DNAJB11: variants seen among roughly 807,000 people sequenced by gnomAD.
DNAJB11 encodes DnaJ heat shock protein family (Hsp40) member B11, also known as dnaJ homolog subfamily B member 11.
DNAJB11 carries 30 observed loss-of-function variants against 47.2 expected under a neutral mutation model. The observed-to-expected ratio is 0.64, with a 90% CI of 0.48 to 0.86. DNAJB11 has a LOEUF of 0.86. Among genes scored for constraint, DNAJB11 ranks in the 40% least tolerant of loss-of-function variants. The pLI, the probability that DNAJB11 is intolerant of heterozygous loss-of-function variation, is 0.00. For synonymous variants in DNAJB11, 151 were observed against 159.9 expected (o/e 0.94, Z 0.42); for missense variants, 357 against 440.2 (o/e 0.81, Z 1.69).
At chr3:186,571,291 C>T (rs1715042949) in intron 1 of DNAJB11, among the ~76,000 whole-genome samples, 1 of 152,088 alleles carries the variant, frequency 6.6e-6, no homozygotes, top group South Asian at 2.1e-4. Context: ...AGCAGTGTCA[C>T]GTAGAGCTGG....
At position 186,570,737 on chromosome 3, in the gene DNAJB11, C is replaced by T. The variant is rs192676872; in HGVS notation, c.-161C>T. ...GACTCGGGACTCCCGGGAAGTGGAC[C>T]GGCAGAAGAGGGGGCTAGCTAGCTG... On this transcript the variant is annotated 5_prime_UTR_variant, in exon 1 of 10. Coordinates refer to ENST00000265028, the MANE Select transcript of DNAJB11 (RefSeq NM_016306.6). The T allele has an allele frequency of 8.6e-5, 57 of 663,820 alleles. No homozygotes were observed. In the Admixed American group the frequency reaches 1.1e-3, roughly 13 times the overall value. The allele number at this position is 663,820 out of a possible 1,614,324, so 41.1% of individuals were successfully genotyped here.
chr3:186,575,837 C>T lies in DNAJB11; in HGVS notation c.226-3C>T, dbSNP rs139260755. 1.2e-3 allele frequency: 2,009 copies of T among 1,611,382 alleles called. 18 individuals carry two copies. The African/African-American group carries it at 0.02, about 16-fold the overall frequency. ...CTTTTCCTCCACTGGCTTTTATCCC[C>T]AGGTTCTGTCAGATAGTGAGAAACG... On this transcript the variant is annotated splice_polypyrimidine_tract_variant and splice_region_variant and intron_variant, in intron 2 of 9. Coordinates refer to ENST00000265028, the MANE Select transcript of DNAJB11 (RefSeq NM_016306.6).
At chr3:186,575,747 C>T in intron 2 of DNAJB11, 93 bp from the exon 3 acceptor site, 1 of 924,724 alleles carries the variant, frequency 1.1e-6, no homozygotes, top group Non-Finnish European at 1.7e-6. Flanking sequence ...ATTTTAGACC[C>T]ACTGTCAAAG....
Position 186,584,411 on chromosome 3 carries a change from A to C in DNAJB11, c.853-19A>C. Reference sequence around the variant, plus strand: ...AGATGTACCGCTCCTGCTGCAGTACATTCCCTTTGGTTTTCTAGGTACATA... The same window carrying C: ...AGATGTACCGCTCCTGCTGCAGTACCTTCCCTTTGGTTTTCTAGGTACATA... On this transcript the variant is annotated intron_variant, in intron 8 of 9. Coordinates refer to ENST00000265028, the MANE Select transcript of DNAJB11 (RefSeq NM_016306.6). The C allele has an allele frequency of 2.0e-6, 3 of 1,534,248 alleles. No homozygotes were observed. The highest frequency in any genetic ancestry group is 2.3e-5 in the East Asian group (1 of 42,750).
In DNAJB11 at chr3:186,581,422, A is replaced by G. The variant is rs1715479886; in HGVS notation, c.508A>G (p.Asn170Asp). 1 of 1,613,902 alleles carries G rather than the reference A, an allele frequency of 6.2e-7. No individual in the cohort carries two copies. The highest frequency in any genetic ancestry group is 2.2e-5 in the East Asian group (1 of 44,894). The change falls in exon 5 of 10, where the codon AAT becomes GAT. Residue 170 changes from asparagine (N) to aspartate (D), a missense_variant. Coordinates refer to ENST00000265028, the MANE Select transcript of DNAJB11 (RefSeq NM_016306.6). ...ARQAPGKRKC[N>D]CRQEMRTTQL... ...GCAGGCTCCTGGCAAACGGAAGTGC[A>G]ATTGTCGGCAAGAGATGCGGACCAC...
At chr3:186,584,367 A>T in intron 8 of DNAJB11, 63 bp from the exon 9 acceptor site, 3 of 1,463,514 alleles carry the variant, frequency 2.0e-6, no homozygotes, top group Non-Finnish European at 2.7e-6. Context: ...TGCTCACTAG[A>T]AGCTGTGTGA....
Position 186,585,433 on chromosome 3 carries a change from T to G in DNAJB11, c.*25T>G. ...AGAGTGAATAAAATTGGACTTTGTT[T>G]AAAATAAGTGAATAAGCGATATTTA... On this transcript the variant is annotated 3_prime_UTR_variant, in exon 10 of 10. Transcript: ENST00000265028. 6.4e-7 allele frequency: 1 copy of G among 1,562,446 alleles called. No individual in the cohort carries two copies. The highest frequency in any genetic ancestry group is 8.8e-7 in the Non-Finnish European group (1 of 1,142,298).
intron 3 of DNAJB11, among the ~76,000 whole-genome samples, chr3:186,577,409 G>A (rs747129384): frequency 6.6e-6 from 1 of 152,080 alleles, no homozygotes; most frequent in Non-Finnish European, 1.5e-5. Context: ...TGTATGTACT[G>A]TACTATATGT....
At chr3:186,579,236 A>C (rs1460050745) in intron 4 of DNAJB11, 1 of 152,182 alleles carries the variant, frequency 6.6e-6, no homozygotes, top group Non-Finnish European at 1.5e-5. Context: ...TATCACTCCT[A>C]CTTCTGTCTG....
At position 186,582,088 on chromosome 3, in the gene DNAJB11, G is replaced by C; in HGVS notation, c.682+11G>C. 1 of 1,604,302 alleles carries C rather than the reference G, an allele frequency of 6.2e-7. No homozygotes were observed. The highest frequency in any genetic ancestry group is 8.5e-7 in the Non-Finnish European group (1 of 1,171,674). On this transcript the variant is annotated intron_variant, in intron 6 of 9. Coordinates refer to ENST00000265028, the MANE Select transcript of DNAJB11 (RefSeq NM_016306.6). ...CCTTTATTGGAGAAGGTGAAATATTGATATTTGATTTTTTGATTGTGATAA... is the reference window on the plus strand; with the variant it reads ...CCTTTATTGGAGAAGGTGAAATATTCATATTTGATTTTTTGATTGTGATAA...
intron 2 of DNAJB11, 90 bp downstream of exon 2, chr3:186,572,341 T>TTATA (rs1409370066): frequency 1.5e-6 from 1 of 648,356 alleles, no homozygotes. Flanking sequence ...CAGCTCACAT[T>TTATA]TATTTATTTA....
Position 186,585,679 on chromosome 3 carries a change from C to T in DNAJB11, c.*271C>T, listed in dbSNP as rs893774179. On this transcript the variant is annotated 3_prime_UTR_variant, in exon 10 of 10. Coordinates refer to ENST00000265028, the MANE Select transcript of DNAJB11 (RefSeq NM_016306.6). ...GCCTGAGTTTCAAGAATTAAAGCTGCAAGAGGACTCCAGGAGCAAAAGAAA... is the reference window on the plus strand; with the variant it reads ...GCCTGAGTTTCAAGAATTAAAGCTGTAAGAGGACTCCAGGAGCAAAAGAAA... 1 of 242,068 alleles carries T rather than the reference C, an allele frequency of 4.1e-6. No individual in the cohort carries two copies. Among genetic ancestry groups the T allele is most frequent in the South Asian group, 7.0e-5 (1 of 14,320 alleles). The allele number at this position is 242,068 out of a possible 1,614,324, so 15.0% of individuals were successfully genotyped here.
In DNAJB11 at chr3:186,570,736, C is replaced by T; in HGVS notation, c.-162C>T. On this transcript the variant is annotated 5_prime_UTR_variant, in exon 1 of 10. Coordinates refer to ENST00000265028, the MANE Select transcript of DNAJB11 (RefSeq NM_016306.6). ...GGACTCGGGACTCCCGGGAAGTGGA[C>T]CGGCAGAAGAGGGGGCTAGCTAGCT... The T allele has an allele frequency of 1.5e-6, 1 of 662,362 alleles. No individual in the cohort carries two copies. The highest frequency in any genetic ancestry group is 1.8e-5 in the South Asian group (1 of 55,094). 41.0% of individuals were successfully genotyped at this position (662,362 alleles called of 1,614,324 possible).
At position 186,570,860 on chromosome 3, in the gene DNAJB11, T is replaced by G; in HGVS notation, c.-38T>G. The G allele has an allele frequency of 6.3e-7, 1 of 1,579,424 alleles. No individual in the cohort carries two copies. On this transcript the variant is annotated 5_prime_UTR_variant, in exon 1 of 10. Transcript: ENST00000265028. ...GCCGACGCGGCGGCGGAGGAGGCTG[T>G]GAGGAGTGTGTGGAACAGGACCCGG...
At chr3:186,575,368 C>CGTGTGT (rs3051602) in intron 2 of DNAJB11, among the ~76,000 whole-genome samples, 8 of 143,356 alleles carry the variant, frequency 5.6e-5, no homozygotes, top group African/African-American at 1.3e-4. Flanking sequence ...CGCGCGCGCG[C>CGTGTGT]GTGTGTGTGT....
At position 186,570,931 on chromosome 3, in the gene DNAJB11, T is replaced by C. The variant is rs1560233522; in HGVS notation, c.34T>C (p.Leu12=). 2 of 1,603,526 alleles carry C rather than the reference T, an allele frequency of 1.2e-6. No individual in the cohort carries two copies. Among genetic ancestry groups the C allele is most frequent in the Non-Finnish European group, 1.7e-6 (2 of 1,175,172 alleles). The change falls in exon 1 of 10, where the codon TTG becomes CTG. Residue 12 remains leucine (L), a synonymous_variant. Coordinates refer to ENST00000265028, the MANE Select transcript of DNAJB11 (RefSeq NM_016306.6). The stretch of plus-strand genomic sequence containing the variant: ...GCAGAACCTGAGCACCTTTTGCCTG[T>C]TGCTGCTATACCTCATCGGGGCGGT... ...APQNLSTFCL[L]LLYLIGAVIA...
At chr3:186,577,585 T>G (rs1560235894) in intron 3 of DNAJB11, 83 bp from the exon 4 acceptor site, 1 of 1,298,140 alleles carries the variant, frequency 7.7e-7, no homozygotes, top group Non-Finnish European at 1.0e-6. Context: ...CAATAGTTTA[T>G]CAACGTAAAG....
chr3:186,574,418 C>A (rs1441299303), intron 2 of DNAJB11, among the ~76,000 whole-genome samples: 1 of 150,576 alleles, frequency 6.6e-6, no homozygotes, highest in Admixed American at 6.6e-5. Context: ...TTGTGAAGAT[C>A]AGATCAGAGA....
At chr3:186,584,623 T>TGTG in intron 9 of DNAJB11, 34 bp downstream of exon 9, 2 of 362,648 alleles carry the variant, frequency 5.5e-6, no homozygotes, top group Non-Finnish European at 3.7e-6. Flanking sequence ...GTGTGTGTGT[T>TGTG]TGTGTGTGTG....
Sources: gnomAD v4.1 joint callset for allele counts (sites outside exome capture counted in the v4.1 genomes callset) on GRCh38, gnomAD v4.1.1 for gene constraint, MANE v1.5 for transcripts, NCBI Gene and HGNC (gene_info 2026-07-23, HGNC 2026-07-21) for gene names.